CYP3A43: variants seen among roughly 807,000 people sequenced by gnomAD.
CYP3A43 encodes the protein cytochrome P450 family 3 subfamily A member 43.
A neutral mutation model predicts 58.0 loss-of-function variants in CYP3A43; 45 were observed. The ratio of observed to expected loss-of-function variants is 0.78; its 90% CI spans 0.61 to 0.99. CYP3A43 has a LOEUF of 0.99. Ranked by LOEUF, CYP3A43 falls within the 50% of genes least tolerant of loss-of-function variation. The pLI, the probability that CYP3A43 is intolerant of heterozygous loss-of-function variation, is 0.00. For synonymous variants in CYP3A43, 191 were observed against 201.4 expected, an observed-to-expected ratio of 0.95 and a Z score of 0.44; for missense variants, 593 against 591.9, an observed-to-expected ratio of 1.00 and a Z score of -0.02.
chr7:99,865,048 T>C (rs1037094330), intron 12 of CYP3A43, among the ~76,000 whole-genome samples: 1 of 148,310 alleles, frequency 6.7e-6, no homozygotes, highest in Non-Finnish European at 1.5e-5. Flanking sequence ...GTTTCAATCT[T>C]ATTTGTGGCT....
At chr7:99,843,223 C>T (rs951132301) in intron 3 of CYP3A43, among the ~76,000 whole-genome samples, 3 of 152,036 alleles carry the variant, frequency 2.0e-5, no homozygotes, top group Admixed American at 2.0e-4. Context: ...TACACACTCT[C>T]CTTCTTCTCT....
At chr7:99,848,553 T>C (rs1817626929) in intron 6 of CYP3A43, among the ~76,000 whole-genome samples, 1 of 152,194 alleles carries the variant, frequency 6.6e-6, no homozygotes, top group Admixed American at 6.5e-5. Flanking sequence ...AACCTGATTG[T>C]ACTAAAGTTT....
At position 99,859,957 on chromosome 7, in the gene CYP3A43, G is replaced by A; in HGVS notation, c.993G>A (p.Leu331=). The A allele has an allele frequency of 2.5e-6, 4 of 1,611,684 alleles. No homozygotes were observed. Among genetic ancestry groups the A allele is most frequent in the Non-Finnish European group, 3.4e-6 (4 of 1,179,008 alleles). The change falls in exon 10 of 13, where the codon CTG becomes CTA. Residue 331 remains leucine (L), a synonymous_variant. Transcript: ENST00000354829. The part of the protein sequence containing the change: ...LATHPDVQQK[L]QEEIDAVLPN... ...CTCACCCTGATGTCCAGCAGAAACT[G>A]CAGGAGGAGATTGACGCAGTTTTAC...
chr7:99,852,732 AG>A, intron 7 of CYP3A43, among the ~76,000 whole-genome samples: 2 of 152,286 alleles, frequency 1.3e-5, no homozygotes, highest in East Asian at 3.9e-4. Flanking sequence ...TCATGATCTT[AG>A]GGGGAAAGGT....
At chr7:99,831,713 T>C (rs1479745531) in intron 1 of CYP3A43, among the ~76,000 whole-genome samples, 2 of 151,956 alleles carry the variant, frequency 1.3e-5, no homozygotes, top group Non-Finnish European at 2.9e-5. Context: ...TCCTGCAGGA[T>C]AGTTGATGTA....
chr7:99,839,158 C>T lies in CYP3A43; in HGVS notation c.204C>T (p.Tyr68=), dbSNP rs143159480. 2.7e-5 allele frequency: 44 copies of T among 1,613,928 alleles called. No homozygotes were observed. Among genetic ancestry groups the T allele is most frequent in the Admixed American group, 2.0e-4 (12 of 59,988 alleles). Residue 68 remains tyrosine (Y), a synonymous_variant, in exon 3 of 13, where the codon TAC becomes TAT. Transcript: ENST00000354829. ...WNFDRECNEK[Y]GEMWGLYEGQ... ...TTGACAGAGAATGTAATGAAAAATA[C>T]GGAGAAATGTGGGGGTGAGTATTCT...
intron 1 of CYP3A43, among the ~76,000 whole-genome samples, chr7:99,832,077 C>A (rs950382170): frequency 6.6e-6 from 1 of 152,018 alleles, no homozygotes; most frequent in Non-Finnish European, 1.5e-5. Context: ...CTCCTCTGTG[C>A]AGGAATGTTT....
chr7:99,856,951 GC>G (rs1434533388), intron 9 of CYP3A43, 52 bp downstream of exon 9: 1 of 1,553,518 alleles, frequency 6.4e-7, no homozygotes, highest in Admixed American at 2.1e-5. Context: ...CAGAGAGAAG[GC>G]CCTGTTCTGA....
chr7:99,865,967 T>G lies in CYP3A43; in HGVS notation c.1478T>G (p.Val493Gly). Residue 493 changes from valine (V) to glycine (G), a missense_variant, in exon 13 of 13, where the codon GTG becomes GGG. Physicochemically the swap from Val to Gly is moderately radical, Grantham distance 109. Coordinates refer to ENST00000354829, the MANE Select transcript of CYP3A43 (RefSeq NM_057095.3). ...CCAGAAAAACCTATTGTTCTAAAAG[T>G]GCACTTAAGAGATGGGATTACAAGT... ...LQPEKPIVLK[V>G]HLRDGITSGP 1 of 1,607,032 alleles carries G rather than the reference T, an allele frequency of 6.2e-7. No homozygotes were observed. The highest frequency in any genetic ancestry group is 8.5e-7 in the Non-Finnish European group (1 of 1,176,912).
intron 6 of CYP3A43, 35 bp downstream of exon 6, chr7:99,848,289 T>C (rs753916770): frequency 3.7e-6 from 6 of 1,605,340 alleles, no homozygotes; most frequent in Non-Finnish European, 5.1e-6. Context: ...TGAGCTGTCA[T>C]GAGCCCCTCC....
intron 1 of CYP3A43, among the ~76,000 whole-genome samples, chr7:99,834,055 C>A (rs1388003626): frequency 1.3e-5 from 2 of 152,196 alleles, no homozygotes; most frequent in African/African-American, 4.8e-5. Context: ...TCATCGATTT[C>A]TAAGCAACAA....
intron 7 of CYP3A43, among the ~76,000 whole-genome samples, chr7:99,851,724 C>A (rs1308487139): frequency 1.3e-5 from 2 of 152,180 alleles, no homozygotes; most frequent in Admixed American, 6.6e-5. Context: ...CTATACATGT[C>A]TTTTTACTTT....
chr7:99,850,308 C>T (rs1404572334), intron 7 of CYP3A43, among the ~76,000 whole-genome samples: 2 of 151,822 alleles, frequency 1.3e-5, no homozygotes. Flanking sequence ...TGTTGCCAGG[C>T]TGGAGTGCAG....
chr7:99,855,310 G>A (rs1310296415), intron 7 of CYP3A43, among the ~76,000 whole-genome samples: 1 of 152,218 alleles, frequency 6.6e-6, no homozygotes, highest in Non-Finnish European at 1.5e-5. Context: ...TAAGAAGTCA[G>A]GGAATTTAAT....
chr7:99,859,968 T>C lies in CYP3A43; in HGVS notation c.1004T>C (p.Ile335Thr), dbSNP rs1473596835. The change falls in exon 10 of 13, where the codon ATT becomes ACT. Residue 335 changes from isoleucine to threonine, a missense_variant. Coordinates refer to ENST00000354829, the MANE Select transcript of CYP3A43 (RefSeq NM_057095.3). ...PDVQQKLQEE[I>T]DAVLPNKAPV... ...GTCCAGCAGAAACTGCAGGAGGAGA[T>C]TGACGCAGTTTTACCCAATAAGGTA... is the stretch of plus-strand genomic sequence containing the variant. The C allele has an allele frequency of 1.2e-6, 2 of 1,608,368 alleles. No individual in the cohort carries two copies. Among genetic ancestry groups the C allele is most frequent in the East Asian group, 4.5e-5 (2 of 44,782 alleles).
At position 99,848,146 on chromosome 7, in the gene CYP3A43, TG is replaced by T; in HGVS notation, c.433-17del. Reference sequence around the variant, plus strand: ...AGACTCGAGTCTGCGTAGTTAACTATGGGTGGTGTTGTGTTTTAGATGGTCC... The same window carrying T: ...AGACTCGAGTCTGCGTAGTTAACTATGGTGGTGTTGTGTTTTAGATGGTCC... On this transcript the variant is annotated intron_variant, in intron 5 of 12. Coordinates refer to ENST00000354829, the MANE Select transcript of CYP3A43 (RefSeq NM_057095.3). The T allele has an allele frequency of 6.2e-7, 1 of 1,613,038 alleles. No individual in the cohort carries two copies. Among genetic ancestry groups the T allele is most frequent in the Admixed American group, 1.7e-5 (1 of 59,972 alleles).
intron 9 of CYP3A43, among the ~76,000 whole-genome samples, chr7:99,857,268 A>G (rs1245855001): frequency 6.6e-6 from 1 of 152,212 alleles, no homozygotes; most frequent in East Asian, 1.9e-4. Context: ...GGTGATTTTA[A>G]CTGGAAACAC....
Position 99,858,889 on chromosome 7 carries a change from G to A in CYP3A43, c.866-941G>A, listed in dbSNP as rs945815162. On this transcript the variant is annotated intron_variant, in intron 9 of 12. Transcript: ENST00000354829. ...TTTTTTGTAATTTTAGTAGAGATGG[G>A]GTTTCACCATGTTGGCCAGGCTGGT... 2.0e-5 allele frequency among the ~76,000 whole-genome samples: 3 copies of A among 151,756 alleles called. No individual in the cohort carries two copies. The East Asian group carries it at 5.8e-4, about 29-fold the overall frequency.
chr7:99,839,057 G>T, intron 2 of CYP3A43, 63 bp from the exon 3 acceptor site: 1 of 1,597,100 alleles, frequency 6.3e-7, no homozygotes, highest in South Asian at 1.1e-5. Flanking sequence ...TTTTGCCCTG[G>T]TTAAATGTAG....
Sources: allele counts gnomAD v4.1 joint callset (sites outside exome capture counted in the v4.1 genomes callset), GRCh38; gene constraint gnomAD v4.1.1; transcripts MANE v1.5; gene names NCBI Gene and HGNC (gene_info 2026-07-23, HGNC 2026-07-21).